ARHGAP20: variants seen among roughly 807,000 people sequenced by gnomAD.
ARHGAP20 encodes the protein rho GTPase-activating protein 20.
Under a neutral mutation model 73.7 loss-of-function variants are expected in ARHGAP20, and 34 were observed. That is an observed-to-expected ratio of 0.46 (90% CI 0.35 to 0.61). The LOEUF is 0.61. Ranked by LOEUF, ARHGAP20 falls within the 20% of genes least tolerant of loss-of-function variation. The pLI is 0.00. For missense variants in ARHGAP20, 1,314 were observed against 1,420.9 expected (o/e 0.92, Z 1.21); for synonymous variants, 523 against 518.2 (o/e 1.01, Z -0.13).
intron 1 of ARHGAP20, among the ~76,000 whole-genome samples, chr11:110,696,666 T>C (rs934858988): frequency 6.6e-6 from 1 of 151,618 alleles, no homozygotes; most frequent in East Asian, 1.9e-4. Context: ...AGCATATTCA[T>C]TACCCAAATA....
intron 11 of ARHGAP20, among the ~76,000 whole-genome samples, chr11:110,587,933 A>C (rs570580781): frequency 2.0e-5 from 3 of 152,310 alleles, no homozygotes; most frequent in East Asian, 3.9e-4. Context: ...ATTCCAAACT[A>C]ATTTTAGCTG....
At chr11:110,611,812 A>C (rs1948373304) in intron 6 of ARHGAP20, among the ~76,000 whole-genome samples, 2 of 133,798 alleles carry the variant, frequency 1.5e-5, no homozygotes, top group African/African-American at 6.0e-5. Flanking sequence ...TAGTGTTTTC[A>C]CAATACGTTT....
At chr11:110,629,995 T>C (rs1948826624) in intron 3 of ARHGAP20, among the ~76,000 whole-genome samples, 1 of 152,224 alleles carries the variant, frequency 6.6e-6, no homozygotes, top group Admixed American at 6.5e-5. Context: ...AGATAATCAA[T>C]ATAGCCTACA....
At chr11:110,626,511 G>A (rs191010438) in intron 3 of ARHGAP20, among the ~76,000 whole-genome samples, 115 of 152,280 alleles carry the variant, frequency 7.6e-4, no homozygotes, top group Admixed American at 2.0e-3. Context: ...AATTTTACAG[G>A]TAAGGAAATG....
chr11:110,688,689 G>A (rs560685619), intron 2 of ARHGAP20, among the ~76,000 whole-genome samples: 1 of 152,194 alleles, frequency 6.6e-6, no homozygotes, highest in South Asian at 2.1e-4. Flanking sequence ...TCACACTAAA[G>A]GATACACTGA....
At chr11:110,651,928 A>C (rs1480957185) in intron 2 of ARHGAP20, among the ~76,000 whole-genome samples, 1 of 152,132 alleles carries the variant, frequency 6.6e-6, no homozygotes, top group Non-Finnish European at 1.5e-5. Context: ...TGGCAGAGAT[A>C]CAACAAAAAA....
intron 2 of ARHGAP20, among the ~76,000 whole-genome samples, chr11:110,654,274 G>T (rs917212225): frequency 2.0e-5 from 3 of 152,088 alleles, no homozygotes; most frequent in Non-Finnish European, 4.4e-5. Flanking sequence ...TGAACTGAAG[G>T]AAATCAAGAA....
At chr11:110,691,453 T>C (rs1354055908) in intron 1 of ARHGAP20, among the ~76,000 whole-genome samples, 1 of 152,286 alleles carries the variant, frequency 6.6e-6, no homozygotes, top group Non-Finnish European at 1.5e-5. Flanking sequence ...TTTCATCCCA[T>C]ATCCCTCTCA....
At chr11:110,664,545 G>A (rs1012092151) in intron 2 of ARHGAP20, among the ~76,000 whole-genome samples, 6 of 151,896 alleles carry the variant, frequency 4.0e-5, no homozygotes, top group Non-Finnish European at 7.4e-5. Context: ...TGGCTAACAC[G>A]GTGAAACCCC....
chr11:110,688,843 G>GT (rs1195849091), intron 2 of ARHGAP20, among the ~76,000 whole-genome samples: 1 of 152,178 alleles, frequency 6.6e-6, no homozygotes, highest in East Asian at 1.9e-4. Flanking sequence ...TGACTAAAGT[G>GT]TATGTCTTCT....
At chr11:110,607,532 G>A (rs772377714) in intron 8 of ARHGAP20, among the ~76,000 whole-genome samples, 8 of 151,904 alleles carry the variant, frequency 5.3e-5, no homozygotes, top group Non-Finnish European at 1.0e-4. Context: ...TTTTTTTTAA[G>A]TACAGAGAGC....
rs147504751 is a variant in ARHGAP20, at chr11:110,661,676, T to C, written c.188+28871A>G. On this transcript the variant is annotated intron_variant, in intron 2 of 14. Coordinates refer to ENST00000683387, the MANE Select transcript of ARHGAP20 (RefSeq NM_001384657.1). ...ATTCACATTTATTTAGCATAACATA[T>C]ACTTTAAAATGTTTTACTTCACACG... Among the ~76,000 whole-genome samples, 469 of 152,234 alleles carry C rather than the reference T, an allele frequency of 3.1e-3. 3 individuals carry two copies. The highest frequency in any genetic ancestry group is 0.01 in the African/African-American group (431 of 41,572).
intron 2 of ARHGAP20, among the ~76,000 whole-genome samples, chr11:110,644,928 A>T (rs1949154402): frequency 6.6e-6 from 1 of 152,146 alleles, no homozygotes; most frequent in South Asian, 2.1e-4. Flanking sequence ...TATAAGAAAC[A>T]AACAAATCAA....
At chr11:110,607,024 C>G in intron 8 of ARHGAP20, among the ~76,000 whole-genome samples, 1 of 152,170 alleles carries the variant, frequency 6.6e-6, no homozygotes, top group South Asian at 2.1e-4. Context: ...TTGCGAGTTC[C>G]ATAATGCTGA....
intron 9 of ARHGAP20, among the ~76,000 whole-genome samples, chr11:110,601,720 A>T (rs1453640919): frequency 1.3e-5 from 2 of 152,212 alleles, no homozygotes; most frequent in African/African-American, 4.8e-5. Context: ...ATGGTGGTTC[A>T]TGCCTGTAAT....
intron 9 of ARHGAP20, among the ~76,000 whole-genome samples, chr11:110,604,585 T>C (rs11213498): frequency 0.07 from 10,663 of 152,226 alleles, 418 homozygotes; most frequent in Middle Eastern, 0.099. Flanking sequence ...GTTATAAAGA[T>C]ACCCTTTATA....
chr11:110,641,496 T>C (rs1565453919), intron 2 of ARHGAP20, among the ~76,000 whole-genome samples: 1 of 152,022 alleles, frequency 6.6e-6, no homozygotes, highest in Admixed American at 6.6e-5. Context: ...AAACAATATA[T>C]GAATTATATA....
At chr11:110,627,029 T>C (rs1427888084) in intron 3 of ARHGAP20, among the ~76,000 whole-genome samples, 5 of 152,158 alleles carry the variant, frequency 3.3e-5, no homozygotes, top group African/African-American at 7.2e-5. Flanking sequence ...AATAGTATTA[T>C]GACAACAGGA....
chr11:110,685,953 A>G (rs17487559), intron 2 of ARHGAP20, among the ~76,000 whole-genome samples: 7,985 of 152,248 alleles, frequency 0.052, 252 homozygotes, highest in Middle Eastern at 0.099. Context: ...TTTGCTGTAT[A>G]AAGTACCACT....
Sources: allele counts gnomAD v4.1 joint callset (sites outside exome capture counted in the v4.1 genomes callset), GRCh38; gene constraint gnomAD v4.1.1; transcripts MANE v1.5; gene names NCBI Gene and HGNC (gene_info 2026-07-23, HGNC 2026-07-21).